The following NCOA4 variants were observed in gnomAD, a reference collection of about 807,000 sequenced individuals.
NCOA4 encodes the protein 70 kDa AR-activator.
A neutral mutation model predicts 69.5 loss-of-function variants in NCOA4; 31 were observed. The observed-to-expected ratio is 0.45, with a 90% CI of 0.34 to 0.60. The LOEUF is 0.60. Ranked by LOEUF, NCOA4 falls within the 20% of genes least tolerant of loss-of-function variation. The pLI is 0.02. For missense variants in NCOA4, 600 were observed against 719.2 expected (o/e 0.83, Z 1.90); for synonymous variants, 228 against 252.4 (o/e 0.90, Z 0.92).
chr10:46,009,677 A>G (rs782109247), intron 8 of NCOA4, 126 bp from the exon 9 acceptor site: 13 of 874,006 alleles, frequency 1.5e-5, no homozygotes, highest in Non-Finnish European at 2.3e-5. Context: ...ACCAAAAACA[A>G]AGGTGACAAT....
chr10:46,027,767 G>A (rs1297599563), intron 1 of NCOA4, among the ~76,000 whole-genome samples: 1 of 152,188 alleles, frequency 6.6e-6, no homozygotes, highest in Non-Finnish European at 1.5e-5. Flanking sequence ...AGTACTGCTT[G>A]AGAAAGTGCT....
intron 9 of NCOA4, 89 bp from the exon 10 acceptor site, chr10:46,006,686 A>G: frequency 8.6e-7 from 1 of 1,161,840 alleles, no homozygotes; most frequent in Non-Finnish European, 1.3e-6. Flanking sequence ...TCATTTCCCA[A>G]TACAGGTATA....
In NCOA4 at chr10:46,013,037, C is replaced by T. The variant is rs146486948; in HGVS notation, c.571-11G>A. 6.0e-5 allele frequency: 96 copies of T among 1,613,006 alleles called. No homozygotes were observed. The African/African-American group carries it at 1.2e-3, about 20-fold the overall frequency. ...ACCGGATGCTGACTTCTGTTAATCA[C>T]AAAACAAGGAATGTCAAATGCAGTA... On this transcript the variant is annotated splice_polypyrimidine_tract_variant and intron_variant, in intron 6 of 9. Coordinates refer to ENST00000581486, the MANE Select transcript of NCOA4 (RefSeq NM_001145263.2).
At chr10:46,030,334 G>C (rs1295377209) in intron 1 of NCOA4, among the ~76,000 whole-genome samples, 192 bp downstream of exon 1, 1 of 151,256 alleles carries the variant, frequency 6.6e-6, no homozygotes, top group Non-Finnish European at 1.5e-5. Flanking sequence ...GCGTGTGGCC[G>C]GAAGGGGAGA....
At chr10:46,029,187 G>T (rs1554926075) in intron 1 of NCOA4, among the ~76,000 whole-genome samples, 1 of 152,064 alleles carries the variant, frequency 6.6e-6, no homozygotes, top group Admixed American at 6.5e-5. Context: ...TGTAATTGTA[G>T]AGATTTATTT....
At chr10:46,023,420 G>T in intron 1 of NCOA4, 1 of 985,708 alleles carries the variant, frequency 1.0e-6, no homozygotes, top group Non-Finnish European at 1.2e-6. Context: ...CCGAGCCCGG[G>T]CCTCGTCCCG....
intron 1 of NCOA4, among the ~76,000 whole-genome samples, chr10:46,024,252 A>G (rs1840044404): frequency 6.6e-6 from 1 of 152,262 alleles, no homozygotes; most frequent in South Asian, 2.1e-4. Flanking sequence ...GAATGACTAA[A>G]GTTACAATTT....
Position 46,010,675 on chromosome 10 carries a change from A to G in NCOA4, c.1246T>C (p.Cys416Arg). Residue 416 changes from cysteine to arginine, a missense_variant, in exon 8 of 10, where the codon TGT becomes CGT. Cys to Arg is a radical substitution (Grantham distance 180, BLOSUM62 -3). Coordinates refer to ENST00000581486, the MANE Select transcript of NCOA4 (RefSeq NM_001145263.2). ...ANEPCTSFAECVCDENCEKEA... is the reference protein window; with the variant it reads ...ANEPCTSFAERVCDENCEKEA... ...TTCTCACAATTCTCATCACACACAC[A>G]CTCTGCAAAGCTTGTGCAGGGCTCA... The G allele has an allele frequency of 6.2e-7, 1 of 1,613,426 alleles. No homozygotes were observed. The highest frequency in any genetic ancestry group is 8.5e-7 in the Non-Finnish European group (1 of 1,179,856).
chr10:46,022,106 G>T (rs1290280216), intron 1 of NCOA4, among the ~76,000 whole-genome samples: 3 of 152,122 alleles, frequency 2.0e-5, no homozygotes, highest in African/African-American at 7.2e-5. Flanking sequence ...CTGTAAGAAT[G>T]AAAGCTCAGA....
intron 9 of NCOA4, among the ~76,000 whole-genome samples, chr10:46,008,647 T>C (rs1471797632): frequency 2.0e-5 from 3 of 152,244 alleles, no homozygotes; most frequent in Non-Finnish European, 2.9e-5. Flanking sequence ...ACAAAGGATT[T>C]AGAATATTAA....
rs1446833872 is a variant in NCOA4 at position 46,006,546 on chromosome 10, A to C, written c.*46T>G. ...GCAAGCTGCAGTCACTCAGCTCATG[A>C]TGTGTGATAATCAGCAGAAAGGCTG... On this transcript the variant is annotated 3_prime_UTR_variant, in exon 10 of 10. Coordinates refer to ENST00000581486, the MANE Select transcript of NCOA4 (RefSeq NM_001145263.2). The C allele has an allele frequency of 1.2e-6, 2 of 1,609,028 alleles. No homozygotes were observed. The highest frequency in any genetic ancestry group is 1.7e-5 in the Admixed American group (1 of 60,012).
intron 1 of NCOA4, among the ~76,000 whole-genome samples, chr10:46,018,948 G>T (rs1194135015): frequency 3.9e-5 from 6 of 152,128 alleles, no homozygotes; most frequent in African/African-American, 1.4e-4. Context: ...AGACAAAAGT[G>T]GTGAGTTCTT....
chr10:46,024,780 C>A (rs531124107), intron 1 of NCOA4, among the ~76,000 whole-genome samples: 1 of 152,274 alleles, frequency 6.6e-6, no homozygotes, highest in South Asian at 2.1e-4. Context: ...TCAAGAATTT[C>A]TATGCTGTCT....
chr10:46,023,257 C>T, intron 1 of NCOA4: 1 of 984,946 alleles, frequency 1.0e-6, no homozygotes, highest in Non-Finnish European at 1.2e-6. Context: ...GACCCGGCTC[C>T]TGCCCGGCGC....
At chr10:46,014,406 T>TA (rs782376399) in intron 5 of NCOA4, 38 bp downstream of exon 5, 1 of 1,435,356 alleles carries the variant, frequency 7.0e-7, no homozygotes, top group South Asian at 1.2e-5. Context: ...AGGCCACAGA[T>TA]ATGAGAAGTG....
intron 1 of NCOA4, among the ~76,000 whole-genome samples, chr10:46,029,201 T>C (rs1840323851): frequency 1.3e-5 from 2 of 152,136 alleles, no homozygotes; most frequent in South Asian, 4.1e-4. Flanking sequence ...TTTATTTAGA[T>C]AAAAACTACC....
intron 1 of NCOA4, among the ~76,000 whole-genome samples, chr10:46,024,925 CAG>C (rs1840078430): frequency 6.6e-6 from 1 of 152,062 alleles, no homozygotes; most frequent in Non-Finnish European, 1.5e-5. Context: ...TAGGGTTCTC[CAG>C]AGAGATGGAA....
rs1564923135 is a variant in NCOA4, at chr10:46,014,465, T to C, written c.459A>G (p.Thr153=). The C allele has an allele frequency of 6.2e-7, 1 of 1,611,938 alleles. No individual in the cohort carries two copies. The highest frequency in any genetic ancestry group is 1.7e-4 in the Middle Eastern group (1 of 6,056). ...DTITLRQTIT[T]FGSLKTIQIP... ...TCACAATGGTTTTGAGAGACCCAAATGTGGTGATGGTCTGGCGCAGAGTAA... is the reference window on the plus strand; with the variant it reads ...TCACAATGGTTTTGAGAGACCCAAACGTGGTGATGGTCTGGCGCAGAGTAA... Residue 153 remains threonine, a synonymous_variant, in exon 5 of 10, where the codon ACA becomes ACG. Coordinates refer to ENST00000581486, the MANE Select transcript of NCOA4 (RefSeq NM_001145263.2).
rs369783841 is a variant in NCOA4 at position 46,013,544 on chromosome 10, T to C, written c.570+6A>G. 4 of 1,599,932 alleles carry C rather than the reference T, an allele frequency of 2.5e-6. No homozygotes were observed. The highest frequency in any genetic ancestry group is 1.1e-5 in the South Asian group (1 of 90,200). On this transcript the variant is annotated splice_donor_region_variant and intron_variant, in intron 6 of 9. Transcript: ENST00000581486. ...CTCAATTACCAAAAACAAAATGATA[T>C]TTTACCTGCTCTGGCATGGAGATAC...
Sources: allele counts gnomAD v4.1 joint callset (sites outside exome capture counted in the v4.1 genomes callset), GRCh38; gene constraint gnomAD v4.1.1; transcripts MANE v1.5; gene names NCBI Gene and HGNC (gene_info 2026-07-23, HGNC 2026-07-21).